Variants in P2RY8 observed in about 807,000 individuals in gnomAD.
The protein encoded by P2RY8 is P2Y receptor family member 8.
P2RY8 carries 6 observed loss-of-function variants against 10.0 expected under a neutral mutation model. That is an observed-to-expected ratio of 0.60 (90% CI 0.33 to 1.19). P2RY8 has a LOEUF of 1.19. Among genes scored for constraint, P2RY8 ranks in the 50% most tolerant of loss-of-function variants. P2RY8 has a pLI of 0.04. For synonymous variants in P2RY8, 276 were observed against 252.5 expected, an observed-to-expected ratio of 1.09 and a Z score of -0.88; for missense variants, 456 against 542.0, an observed-to-expected ratio of 0.84 and a Z score of 1.58.
chrX:1,516,885 G>A (rs2092355154), intron 1 of P2RY8, among the ~76,000 whole-genome samples: 2 of 151,374 alleles, frequency 1.3e-5, no homozygotes, highest in South Asian at 4.2e-4. Context: ...GCTGATCTCA[G>A]ACTTCCAGCC....
In P2RY8 at chrX:1,465,807, G is replaced by A; in HGVS notation, c.752C>T (p.Ala251Val). The A allele has an allele frequency of 1.9e-6, 3 of 1,613,380 alleles. No individual in the cohort carries two copies. Among genetic ancestry groups the A allele is most frequent in the Non-Finnish European group, 1.7e-6 (2 of 1,179,826 alleles). Residue 251 changes from alanine (A) to valine (V), a missense_variant, in exon 2 of 2, where the codon GCC becomes GTC. Ala to Val is a moderately conservative substitution (Grantham distance 64). Transcript: ENST00000381297. ...CGCCAGGAGCACGAAGTTGTTGGGG[G>A]CGAAGCAGGTGACAAAGGCCAGCAA... ...VVLLAFVTCF[A>V]PNNFVLLAHI...
intron 1 of P2RY8, among the ~76,000 whole-genome samples, chrX:1,491,994 C>T (rs1294031962): frequency 2.0e-5 from 3 of 152,202 alleles, no homozygotes; most frequent in South Asian, 2.1e-4. Context: ...CGCCTCCCTC[C>T]GGTCCACTTT....
At chrX:1,469,244 A>C (rs1456548320) in intron 1 of P2RY8, among the ~76,000 whole-genome samples, 3 of 147,120 alleles carry the variant, frequency 2.0e-5, no homozygotes. Context: ...GCTCACTGCA[A>C]CCTCTGTCTC....
chrX:1,463,668 T>A lies in P2RY8; in HGVS notation c.*1811A>T, dbSNP rs1230046992. ...ACAAGACATGTCTTTCTGGGGCAAC[T>A]GTTTAGTGCACTCTGCAATTGTATC... On this transcript the variant is annotated 3_prime_UTR_variant, in exon 2 of 2. Transcript: ENST00000381297. 1 of 231,136 alleles carries A rather than the reference T, an allele frequency of 4.3e-6. No homozygotes were observed. Among genetic ancestry groups the A allele is most frequent in the Non-Finnish European group, 8.5e-6 (1 of 117,204 alleles). The allele number at this position is 231,136 out of a possible 1,614,324, so 14.3% of individuals were successfully genotyped here. A position where few individuals can be genotyped will look rare whatever the true frequency, so the allele number is the denominator to read the frequency against.
In P2RY8 at chrX:1,478,358, G is replaced by A. The variant is rs374678240; in HGVS notation, c.-24-11776C>T. On this transcript the variant is annotated intron_variant, in intron 1 of 1. Coordinates refer to ENST00000381297, the MANE Select transcript of P2RY8 (RefSeq NM_178129.5). ...CTAGAGAGATTGCAGAAGGCAGACT[G>A]TAGATAAGAGATTGCAGAGAGGTTG... Among the ~76,000 whole-genome samples the A allele has an allele frequency of 1.5e-4, 23 of 152,166 alleles. 1 individual carries two copies. The South Asian group carries it at 4.8e-3, about 32-fold the overall frequency.
At chrX:1,491,289 T>C (rs1171571030) in intron 1 of P2RY8, among the ~76,000 whole-genome samples, 4 of 152,176 alleles carry the variant, frequency 2.6e-5, no homozygotes, top group African/African-American at 9.7e-5. Context: ...GAATGAATGA[T>C]ACCCAGATAT....
At chrX:1,526,146 C>T (rs1287189745) in intron 1 of P2RY8, among the ~76,000 whole-genome samples, 1 of 151,504 alleles carries the variant, frequency 6.6e-6, no homozygotes, top group Non-Finnish European at 1.5e-5. Flanking sequence ...TGAATCCATT[C>T]GTTCACTCAT....
intron 1 of P2RY8, among the ~76,000 whole-genome samples, chrX:1,482,305 A>C (rs771751727): frequency 4.6e-5 from 7 of 152,028 alleles, no homozygotes; most frequent in Admixed American, 2.6e-4. Flanking sequence ...AAAAAAAAAA[A>C]AAAACCCAAA....
chrX:1,530,121 G>C lies in P2RY8; in HGVS notation c.-25+6800C>G, dbSNP rs184779834. 9.0e-5 allele frequency among the ~76,000 whole-genome samples: 6 copies of C among 66,500 alleles called. No individual in the cohort carries two copies. The East Asian group carries it at 2.2e-3, about 24-fold the overall frequency. The allele number at this position is 66,500 out of a possible 152,430, so 43.6% of individuals were successfully genotyped here. On this transcript the variant is annotated intron_variant, in intron 1 of 1. Transcript: ENST00000381297. Reference sequence around the variant, plus strand: ...TGTATCCATGTATCTATGTATCTATGCATCTATGTATGTATGTATGTATGT... The same window carrying C: ...TGTATCCATGTATCTATGTATCTATCCATCTATGTATGTATGTATGTATGT...
At position 1,465,327 on chromosome X, in the gene P2RY8, G is replaced by A. The variant is rs1386627552; in HGVS notation, c.*152C>T. 1.6e-6 allele frequency: 2 copies of A among 1,285,350 alleles called. No individual in the cohort carries two copies. Among genetic ancestry groups the A allele is most frequent in the African/African-American group, 3.0e-5 (2 of 67,284 alleles). The allele number at this position is 1,285,350 out of a possible 1,614,324, so 79.6% of individuals were successfully genotyped here. A position where few individuals can be genotyped will look rare whatever the true frequency, so the allele number is the denominator to read the frequency against. On this transcript the variant is annotated 3_prime_UTR_variant, in exon 2 of 2. Transcript: ENST00000381297. ...ACCGGTGCCTCTGCAGTGCCTGGGA[G>A]GAATAAAGCCTGGAGACCCTTCCCC...
Position 1,466,485 on chromosome X carries a change from G to A in P2RY8, c.74C>T (p.Ala25Val). ...QMLRNPAIAV[A>V]LPVVYSLVAA... ...CACCAGCGAGTACACCACGGGCAGG[G>A]CCACCGCGATCGCCGGGTTCCGCAG... Residue 25 changes from alanine to valine, a missense_variant, in exon 2 of 2, where the codon GCC (alanine) becomes GTC (valine). Transcript: ENST00000381297. 6.2e-7 allele frequency: 1 copy of A among 1,611,644 alleles called. No individual in the cohort carries two copies. The highest frequency in any genetic ancestry group is 8.5e-7 in the Non-Finnish European group (1 of 1,179,764).
rs1569536133 is a variant in P2RY8 at position 1,464,590 on chromosome X, C to CTCACG, written c.*888_*889insCGTGA. The CTCACG allele has an allele frequency of 8.6e-6, 2 of 233,316 alleles. No homozygotes were observed. Among genetic ancestry groups the CTCACG allele is most frequent in the African/African-American group, 4.4e-5 (2 of 45,340 alleles). 14.5% of individuals were successfully genotyped at this position (233,316 alleles called of 1,614,324 possible). ...CCTTGTGTTGGGATGGGCTGGACCC[C>CTCACG]ATCTCACGGAGCCTCCTTTCCGCAC... On this transcript the variant is annotated 3_prime_UTR_variant, in exon 2 of 2. Coordinates refer to ENST00000381297, the MANE Select transcript of P2RY8 (RefSeq NM_178129.5).
chrX:1,512,267 C>T (rs1473997327), intron 1 of P2RY8, among the ~76,000 whole-genome samples: 2 of 152,090 alleles, frequency 1.3e-5, no homozygotes, highest in African/African-American at 2.4e-5. Context: ...ACATACCTGG[C>T]TGGGCGCAGT....
At chrX:1,513,575 A>C (rs1225822354) in intron 1 of P2RY8, among the ~76,000 whole-genome samples, 8 of 150,618 alleles carry the variant, frequency 5.3e-5, no homozygotes, top group African/African-American at 1.7e-4. Flanking sequence ...CTGTCATTGC[A>C]TTTTGGGCCC....
At position 1,466,121 on chromosome X, in the gene P2RY8, CCCTGCACACGCGGCCACCGCGTA is replaced by C; in HGVS notation, c.415_437del (p.Tyr139AspfsTer196). 1 of 1,611,746 alleles carries C rather than the reference CCCTGCACACGCGGCCACCGCGTA, an allele frequency of 6.2e-7. No homozygotes were observed. The highest frequency in any genetic ancestry group is 8.5e-7 in the Non-Finnish European group (1 of 1,179,488). On this transcript the variant is annotated frameshift_variant, in exon 2 of 2. Transcript: ENST00000381297. LOFTEE classifies it low-confidence loss of function (END_TRUNC). ...GGGCGGTCAGGAGCAGCAGCCAGGT[CCCTGCACACGCGGCCACCGCGTA>C]ACGACGGCGGCGCCAGCGCTTGGAG...
chrX:1,531,590 C>T lies in P2RY8; in HGVS notation c.-25+5331G>A, dbSNP rs184253502. Among the ~76,000 whole-genome samples, 544 of 152,232 alleles carry T rather than the reference C, an allele frequency of 3.6e-3. 3 individuals carry two copies. Among genetic ancestry groups the T allele is most frequent in the African/African-American group, 0.012 (505 of 41,552 alleles). The stretch of plus-strand genomic sequence containing the variant: ...GAAACCAACACAGCCTGGCACCTGC[C>T]ACCTGCTTCTGTCTGTGCCACTCCC... On this transcript the variant is annotated intron_variant, in intron 1 of 1. Transcript: ENST00000381297.
chrX:1,512,284 A>C (rs2092303550), intron 1 of P2RY8, among the ~76,000 whole-genome samples: 2 of 152,070 alleles, frequency 1.3e-5, no homozygotes, highest in South Asian at 2.1e-4. Flanking sequence ...CAGTGGCTCA[A>C]GCCTGTAATC....
intron 1 of P2RY8, among the ~76,000 whole-genome samples, chrX:1,485,668 ATAAT>A (rs761339436): frequency 3.4e-5 from 5 of 147,906 alleles, no homozygotes; most frequent in African/African-American, 4.9e-5. Flanking sequence ...TTGTTATATA[ATAAT>A]TTATTTACAA....
chrX:1,500,109 C>T (rs1483742001), intron 1 of P2RY8, among the ~76,000 whole-genome samples: 35 of 151,042 alleles, frequency 2.3e-4, no homozygotes, highest in Non-Finnish European at 3.5e-4. Flanking sequence ...CCGCCTGCCT[C>T]GGCCTCCCAA....
Sources: allele counts gnomAD v4.1 joint callset (sites outside exome capture counted in the v4.1 genomes callset), GRCh38; gene constraint gnomAD v4.1.1; transcripts MANE v1.5; gene names NCBI Gene and HGNC (gene_info 2026-07-23, HGNC 2026-07-21).